Variants in SAMD4B observed in about 807,000 individuals in gnomAD.
The protein encoded by SAMD4B is sterile alpha motif domain containing 4B, also known as protein Smaug homolog 2.
SAMD4B carries 5 observed loss-of-function variants against 74.5 expected under a neutral mutation model. The ratio of observed to expected loss-of-function variants is 0.07; its 90% CI spans 0.04 to 0.14. The LOEUF is 0.14. SAMD4B is among the 10% of genes least tolerant of loss of function. SAMD4B has a pLI of 1.00. For missense variants in SAMD4B, 608 were observed against 921.8 expected, an observed-to-expected ratio of 0.66 and a Z score of 4.41; for synonymous variants, 373 against 374.9, an observed-to-expected ratio of 1.00 and a Z score of 0.06.
intron 9 of SAMD4B, among the ~76,000 whole-genome samples, chr19:39,379,336 C>T (rs1413755280): frequency 6.6e-6 from 1 of 152,144 alleles, no homozygotes; most frequent in Non-Finnish European, 1.5e-5. Context: ...AGTACCCTTT[C>T]CTCCTCCTCA....
chr19:39,378,480 C>G lies in SAMD4B; in HGVS notation c.1445-24C>G, dbSNP rs1835623967. The G allele has an allele frequency of 6.2e-7, 1 of 1,609,906 alleles. No individual in the cohort carries two copies. The highest frequency in any genetic ancestry group is 1.3e-5 in the African/African-American group (1 of 74,968). On this transcript the variant is annotated intron_variant, in intron 8 of 13. Transcript: ENST00000610417. This position sits in a 1 kb window ranked among gnomAD's most constrained non-coding sequence, Gnocchi z 4.4. ...AGAGGGCATACTAGGGGTTAACCTC[C>G]TGCCCTTTCTCATGTCCCCCCAGTG... is the stretch of plus-strand genomic sequence containing the variant.
rs2045058095 is a variant in SAMD4B, at chr19:39,376,693, C to T, written c.1018-12C>T. On this transcript the variant is annotated splice_polypyrimidine_tract_variant and intron_variant, in intron 6 of 13. Coordinates refer to ENST00000610417, the MANE Select transcript of SAMD4B (RefSeq NM_001384574.2). ...ATCTCTAGCTTCCTGTCCCCTTCTG[C>T]CCTTATCACAGAACGTCACCAAAGG... is the stretch of plus-strand genomic sequence containing the variant. 3 of 1,613,190 alleles carry T rather than the reference C, an allele frequency of 1.9e-6. No individual in the cohort carries two copies. The highest frequency in any genetic ancestry group is 1.3e-5 in the African/African-American group (1 of 74,922).
Position 39,370,024 on chromosome 19 carries a change from G to C in SAMD4B, c.566G>C (p.Gly189Ala), listed in dbSNP as rs2077191721. 1.2e-6 allele frequency: 2 copies of C among 1,612,398 alleles called. No homozygotes were observed. Among genetic ancestry groups the C allele is most frequent in the Non-Finnish European group, 1.7e-6 (2 of 1,179,322 alleles). ...AELGPGEAGP[G>A]WQDKPPRENG... ...CTAGGCCCTGGGGAGGCAGGGCCAGGCTGGCAGGACAAGCCACCCCGGGAA... is the reference window on the plus strand; with the variant it reads ...CTAGGCCCTGGGGAGGCAGGGCCAGCCTGGCAGGACAAGCCACCCCGGGAA... Residue 189 changes from glycine (G) to alanine (A), a missense_variant, in exon 4 of 14, where the codon GGC (glycine) becomes GCC (alanine). Coordinates refer to ENST00000610417, the MANE Select transcript of SAMD4B (RefSeq NM_001384574.2).
At chr19:39,353,352 A>C (rs1377734471) in intron 1 of SAMD4B, among the ~76,000 whole-genome samples, 4 of 152,232 alleles carry the variant, frequency 2.6e-5, no homozygotes, top group Non-Finnish European at 5.9e-5. Context: ...AAGTAGTACA[A>C]AGTTATATAA....
chr19:39,381,070 C>T lies in SAMD4B; in HGVS notation c.1929C>T (p.Leu643=). 1 of 1,612,938 alleles carries T rather than the reference C, an allele frequency of 6.2e-7. No homozygotes were observed. The highest frequency in any genetic ancestry group is 8.5e-7 in the Non-Finnish European group (1 of 1,179,908). Residue 643 remains leucine (L), a synonymous_variant, in exon 12 of 14, where the codon CTC becomes CTT. Transcript: ENST00000610417. ...SRSSVQRTHS[L]PVHSSPQAIL... ...GCTCTGTGCAGCGCACCCACTCGCTCCCGGTCCACTCGTCACCCCAGGCCA... is the reference window on the plus strand; with the variant it reads ...GCTCTGTGCAGCGCACCCACTCGCTTCCGGTCCACTCGTCACCCCAGGCCA...
chr19:39,383,203 C>T lies in SAMD4B; in HGVS notation c.1973-5C>T, dbSNP rs2078111743. 1.2e-6 allele frequency: 2 copies of T among 1,614,042 alleles called. No homozygotes were observed. The highest frequency in any genetic ancestry group is 1.1e-5 in the South Asian group (1 of 91,078). On this transcript the variant is annotated splice_polypyrimidine_tract_variant and splice_region_variant and intron_variant, in intron 12 of 13. Coordinates refer to ENST00000610417, the MANE Select transcript of SAMD4B (RefSeq NM_001384574.2). This position sits in a 1 kb window ranked among gnomAD's most constrained non-coding sequence, Gnocchi z 4.1. Reference sequence around the variant, plus strand: ...ACCACCCCCATTCTCCTCTCTCCCACCCAGACTGCCCGGTTCCTGGGCCTG... The same window carrying T: ...ACCACCCCCATTCTCCTCTCTCCCATCCAGACTGCCCGGTTCCTGGGCCTG...
intron 3 of SAMD4B, among the ~76,000 whole-genome samples, chr19:39,367,507 C>CTTTTTTTTT (rs572713498): frequency 4.5e-5 from 5 of 110,806 alleles, no homozygotes; most frequent in African/African-American, 8.8e-5. Context: ...TTTTCTTTTT[C>CTTTTTTTTT]TTTTTTTTTT....
chr19:39,375,713 C>G lies in SAMD4B; in HGVS notation c.731C>G (p.Pro244Arg). ...KRSMSLIPTS[P>R]QVPGEWPSPE... ...TCCATGTCACTCATCCCTACAAGCC[C>G]CCAGGTCCCTGGTGAGTGGCCGAGT... Residue 244 changes from proline (P) to arginine (R), a missense_variant, in exon 5 of 14, where the codon CCC becomes CGC. Around this residue, in one of 9 missense-constraint regions of SAMD4B, gnomAD observed 153 missense variants for 153.0 expected, o/e 1.00. Coordinates refer to ENST00000610417, the MANE Select transcript of SAMD4B (RefSeq NM_001384574.2). The surrounding 1 kb of genome is among the most constrained non-coding windows in gnomAD (Gnocchi z 4.1). 2.5e-6 allele frequency: 4 copies of G among 1,614,152 alleles called. No homozygotes were observed. Among genetic ancestry groups the G allele is most frequent in the Non-Finnish European group, 3.4e-6 (4 of 1,179,998 alleles).
At chr19:39,380,157 G>A in intron 10 of SAMD4B, 73 bp downstream of exon 10, 1 of 1,154,892 alleles carries the variant, frequency 8.7e-7, no homozygotes, top group Non-Finnish European at 1.3e-6. Flanking sequence ...TGCTTAGAGG[G>A]GTGATTGTGT....
In SAMD4B at chr19:39,383,674, G is replaced by GT; in HGVS notation, c.*150dup. The GT allele has an allele frequency of 6.4e-7, 1 of 1,563,818 alleles. No individual in the cohort carries two copies. The highest frequency in any genetic ancestry group is 1.1e-5 in the South Asian group (1 of 87,578). On this transcript the variant is annotated 3_prime_UTR_variant, in exon 14 of 14. Coordinates refer to ENST00000610417, the MANE Select transcript of SAMD4B (RefSeq NM_001384574.2). The surrounding 1 kb of genome is among the most constrained non-coding windows in gnomAD (Gnocchi z 4.1). ...CTACTCTCTTACCCTCTTAACTTTTGTTTAACATTGGCACATGCCTTGCTC... is the reference window on the plus strand; with the variant it reads ...CTACTCTCTTACCCTCTTAACTTTTGTTTTAACATTGGCACATGCCTTGCTC...
At chr19:39,347,162 C>T (rs2075752644) in intron 1 of SAMD4B, among the ~76,000 whole-genome samples, 1 of 152,174 alleles carries the variant, frequency 6.6e-6, no homozygotes, top group African/African-American at 2.4e-5. Context: ...TCTCAGTCAT[C>T]TCCTCCCATT....
In SAMD4B at chr19:39,376,688, T is replaced by C. The variant is rs747893185; in HGVS notation, c.1018-17T>C. 2 of 1,613,056 alleles carry C rather than the reference T, an allele frequency of 1.2e-6. No individual in the cohort carries two copies. The highest frequency in any genetic ancestry group is 1.7e-6 in the Non-Finnish European group (2 of 1,179,056). The stretch of plus-strand genomic sequence containing the variant: ...CTCACATCTCTAGCTTCCTGTCCCC[T>C]TCTGCCCTTATCACAGAACGTCACC... On this transcript the variant is annotated splice_polypyrimidine_tract_variant and intron_variant, in intron 6 of 13. Transcript: ENST00000610417.
At chr19:39,361,382 C>A (rs1484962418) in intron 3 of SAMD4B, among the ~76,000 whole-genome samples, 4 of 151,986 alleles carry the variant, frequency 2.6e-5, no homozygotes, top group Non-Finnish European at 4.4e-5. Context: ...TTTGGGAGGC[C>A]GAGGCAGGCG....
chr19:39,386,299 C>T (rs1568372205), downstream of SAMD4B: 1 of 1,614,090 alleles, frequency 6.2e-7, no homozygotes, highest in South Asian at 1.1e-5. The surrounding 1 kb of genome is among the most constrained non-coding windows in gnomAD (Gnocchi z 6.1). Context: ...CCACTCTTGT[C>T]ACTGGCCTCG....
chr19:39,383,964 C>T lies in SAMD4B; in HGVS notation c.*437C>T, dbSNP rs2078158057. The T allele has an allele frequency of 3.9e-6, 2 of 508,952 alleles. No individual in the cohort carries two copies. Among genetic ancestry groups the T allele is most frequent in the Admixed American group, 3.4e-5 (1 of 29,124 alleles). The allele number at this position is 508,952 out of a possible 1,614,324, so 31.5% of individuals were successfully genotyped here. On this transcript the variant is annotated 3_prime_UTR_variant, in exon 14 of 14. Transcript: ENST00000610417. The surrounding 1 kb of genome is among the most constrained non-coding windows in gnomAD (Gnocchi z 4.1). Reference sequence around the variant, plus strand: ...TTGGGGTGACGCGCAGGGCAGAGAACCTGCCCTCCAGAATGTTATTGAGAG... The same window carrying T: ...TTGGGGTGACGCGCAGGGCAGAGAATCTGCCCTCCAGAATGTTATTGAGAG...
At chr19:39,349,296 G>C (rs1490567962) in intron 1 of SAMD4B, among the ~76,000 whole-genome samples, 1 of 152,184 alleles carries the variant, frequency 6.6e-6, no homozygotes, top group African/African-American at 2.4e-5. Context: ...CTAAGTGAGA[G>C]AAAACAAGTG....
chr19:39,347,435 C>A (rs1232036932), intron 1 of SAMD4B, among the ~76,000 whole-genome samples: 2 of 152,166 alleles, frequency 1.3e-5, no homozygotes, highest in Non-Finnish European at 2.9e-5. Context: ...TGATTCCATC[C>A]GATGAACTTT....
rs2075797583 is a variant in SAMD4B, at chr19:39,347,913, A to G, written c.-267+5337A>G. Among the ~76,000 whole-genome samples, 3 of 152,162 alleles carry G rather than the reference A, an allele frequency of 2.0e-5. No individual in the cohort carries two copies. In the South Asian group the frequency reaches 6.2e-4, roughly 32 times the overall value. ...CATTCAAGGTCCTGAAATTCATGGA[A>G]TTTATATTCTGATGGGGGGAGGAAA... On this transcript the variant is annotated intron_variant, in intron 1 of 13. Transcript: ENST00000610417.
chr19:39,375,528 A>G lies in SAMD4B; in HGVS notation c.668-122A>G, dbSNP rs1432174302. On this transcript the variant is annotated intron_variant, in intron 4 of 13. Transcript: ENST00000610417. The surrounding 1 kb of genome is among the most constrained non-coding windows in gnomAD (Gnocchi z 4.1). ...TGGTAGGCAGTTACCCTTGGACCCCAGGTCCCTTCCTCTTGGCAGGTTATG... is the reference window on the plus strand; with the variant it reads ...TGGTAGGCAGTTACCCTTGGACCCCGGGTCCCTTCCTCTTGGCAGGTTATG... 2.7e-5 allele frequency: 35 copies of G among 1,287,688 alleles called. No homozygotes were observed. The highest frequency in any genetic ancestry group is 3.6e-5 in the Non-Finnish European group (33 of 924,278). 79.8% of individuals were successfully genotyped at this position (1,287,688 alleles called of 1,614,324 possible). A position where few individuals can be genotyped will look rare whatever the true frequency, so the allele number is the denominator to read the frequency against.
Sources: gnomAD v4.1 joint callset for allele counts (sites outside exome capture counted in the v4.1 genomes callset) on GRCh38, gnomAD v4.1.1 for gene constraint, gnomAD v4.1.1 regional missense constraint, Gnocchi (gnomAD v3.1) non-coding constraint, MANE v1.5 for transcripts, NCBI Gene and HGNC (gene_info 2026-07-23, HGNC 2026-07-21) for gene names.